The following STT3B variants were observed in gnomAD, a reference collection of about 807,000 sequenced individuals.
STT3B encodes the protein STT3 oligosaccharyltransferase complex catalytic subunit B.
In STT3B, 29 loss-of-function variants were observed where a neutral mutation model predicts 96.8. The ratio of observed to expected loss-of-function variants is 0.30; its 90% CI spans 0.22 to 0.41. STT3B has a LOEUF of 0.41. Among genes scored for constraint, STT3B ranks in the 10% least tolerant of loss-of-function variants. The pLI, the probability that STT3B is intolerant of heterozygous loss-of-function variation, is 1.00. For synonymous variants in STT3B, 367 were observed against 360.0 expected (o/e 1.02, Z -0.22); for missense variants, 640 against 1,022.3 (o/e 0.63, Z 5.10).
intron 1 of STT3B, among the ~76,000 whole-genome samples, chr3:31,537,614 T>C (rs985035715): frequency 3.9e-5 from 6 of 152,178 alleles, no homozygotes; most frequent in African/African-American, 1.4e-4. Context: ...GGACTTTTCC[T>C]TCCCCCTTTA....
intron 3 of STT3B, among the ~76,000 whole-genome samples, chr3:31,585,792 A>T (rs1162153226): frequency 6.6e-6 from 1 of 152,050 alleles, no homozygotes; most frequent in East Asian, 1.9e-4. Context: ...TGAGAATGTC[A>T]TCCATGTTGT....
intron 3 of STT3B, among the ~76,000 whole-genome samples, chr3:31,592,461 A>G (rs770878688): frequency 7.9e-5 from 12 of 152,328 alleles, no homozygotes; most frequent in Non-Finnish European, 1.2e-4. Flanking sequence ...TTGAAGTGGA[A>G]TTGTTGGGTC....
chr3:31,544,490 G>A (rs1439854242), intron 1 of STT3B, among the ~76,000 whole-genome samples: 1 of 152,126 alleles, frequency 6.6e-6, no homozygotes, highest in Admixed American at 6.5e-5. Context: ...TTTAGTTATA[G>A]AATCATTCCA....
At chr3:31,583,505 T>C (rs141798328) in intron 3 of STT3B, among the ~76,000 whole-genome samples, 6,047 of 152,136 alleles carry the variant, frequency 0.04, 160 homozygotes, top group South Asian at 0.078. Context: ...TTGAATTTTA[T>C]AGAGTTAAAG....
rs373681107 is a variant in STT3B at position 31,563,617 on chromosome 3, T to C, written c.315-12779T>C. Among the ~76,000 whole-genome samples the C allele has an allele frequency of 1.2e-3, 187 of 152,302 alleles. 1 individual carries two copies. Among genetic ancestry groups the C allele is most frequent in the Middle Eastern group, 6.8e-3 (2 of 294 alleles). ...GATAATATTTGAACTAAAATCAGAATGACAAGGAATTAGGGCCCTGCAAAG... is the reference window on the plus strand; with the variant it reads ...GATAATATTTGAACTAAAATCAGAACGACAAGGAATTAGGGCCCTGCAAAG... On this transcript the variant is annotated intron_variant, in intron 1 of 15. Transcript: ENST00000295770.
Position 31,548,489 on chromosome 3 carries a change from AAT to A in STT3B, c.314+15179_314+15180del, listed in dbSNP as rs1344278283. Among the ~76,000 whole-genome samples the A allele has an allele frequency of 4.6e-5, 7 of 152,186 alleles. No individual in the cohort carries two copies. In the East Asian group the frequency reaches 9.6e-4, roughly 21 times the overall value. On this transcript the variant is annotated intron_variant, in intron 1 of 15. Coordinates refer to ENST00000295770, the MANE Select transcript of STT3B (RefSeq NM_178862.3). ...TTTGTATTCTCAAAATAAATTTTAA[AAT>A]AGAGTATACCAAACATGCTATTCTC...
At chr3:31,612,000 G>T (rs1311476922) in intron 5 of STT3B, among the ~76,000 whole-genome samples, 1 of 152,118 alleles carries the variant, frequency 6.6e-6, no homozygotes. Context: ...ATATTATCTG[G>T]CAAGCAATCT....
intron 6 of STT3B, 126 bp from the exon 7 acceptor site, chr3:31,616,803 C>G: frequency 1.4e-6 from 1 of 714,512 alleles, no homozygotes. Context: ...GAAATGTTGG[C>G]TAGATGAAAT....
chr3:31,613,099 T>A lies in STT3B; in HGVS notation c.878-2006T>A, dbSNP rs534249942. On this transcript the variant is annotated intron_variant, in intron 5 of 15. Coordinates refer to ENST00000295770, the MANE Select transcript of STT3B (RefSeq NM_178862.3). ...AGAGCTTAGTGAGTGTAGGGTTTTG[T>A]TTTGGGGTAATGAAAATTCTTTAGG... Among the ~76,000 whole-genome samples, 4 of 152,166 alleles carry A rather than the reference T, an allele frequency of 2.6e-5. No homozygotes were observed. In the South Asian group the frequency reaches 8.3e-4, roughly 32 times the overall value.
chr3:31,535,609 G>C (rs1421663652), intron 1 of STT3B, among the ~76,000 whole-genome samples: 3 of 152,198 alleles, frequency 2.0e-5, no homozygotes, highest in African/African-American at 4.8e-5. Context: ...CTGTAATCCA[G>C]CTACTTGGGA....
chr3:31,533,496 C>A, intron 1 of STT3B, 184 bp downstream of exon 1: 1 of 709,042 alleles, frequency 1.4e-6, no homozygotes, highest in South Asian at 4.8e-5. Flanking sequence ...GAAGTTTGCC[C>A]CGTGCAGCCT....
chr3:31,561,031 A>G (rs1697865322), intron 1 of STT3B, among the ~76,000 whole-genome samples: 1 of 151,994 alleles, frequency 6.6e-6, no homozygotes, highest in Non-Finnish European at 1.5e-5. Context: ...CTAGTCTGTC[A>G]TTGAAGGTTT....
chr3:31,631,007 A>G (rs1262353977), intron 14 of STT3B, among the ~76,000 whole-genome samples: 2 of 152,190 alleles, frequency 1.3e-5, no homozygotes, highest in Non-Finnish European at 2.9e-5. Flanking sequence ...TATATTAGCC[A>G]GGATGGTCTC....
chr3:31,633,494 AT>A (rs1348890824), intron 15 of STT3B, among the ~76,000 whole-genome samples: 1 of 152,180 alleles, frequency 6.6e-6, no homozygotes, highest in Non-Finnish European at 1.5e-5. Flanking sequence ...GAGCAAATTT[AT>A]ATTGCATCTT....
Position 31,532,969 on chromosome 3 carries a change from G to A in STT3B, c.-30G>A. ...CGCACCAGGCGGCGGCGGCGGAGGA[G>A]GAGAGCTAGACCCGCCGCCGGGGCA... On this transcript the variant is annotated 5_prime_UTR_variant, in exon 1 of 16. Coordinates refer to ENST00000295770, the MANE Select transcript of STT3B (RefSeq NM_178862.3). The A allele has an allele frequency of 3.2e-6, 5 of 1,568,998 alleles. No homozygotes were observed. Among genetic ancestry groups the A allele is most frequent in the East Asian group, 2.5e-5 (1 of 39,694 alleles).
intron 5 of STT3B, among the ~76,000 whole-genome samples, chr3:31,604,872 G>T (rs1365060471): frequency 6.6e-6 from 1 of 152,108 alleles, no homozygotes; most frequent in Non-Finnish European, 1.5e-5. Context: ...ATCTACCAGG[G>T]TTCAATTCTT....
intron 5 of STT3B, among the ~76,000 whole-genome samples, chr3:31,601,067 A>T (rs989975268): frequency 3.9e-5 from 6 of 152,184 alleles, no homozygotes; most frequent in African/African-American, 1.2e-4. Flanking sequence ...ATTCTATTAT[A>T]ATAATGTTTT....
intron 1 of STT3B, among the ~76,000 whole-genome samples, chr3:31,539,510 TCTGC>T (rs1483697340): frequency 1.3e-5 from 2 of 152,158 alleles, no homozygotes; most frequent in Non-Finnish European, 2.9e-5. Context: ...TACCACACCC[TCTGC>T]CTCCAGGGCC....
chr3:31,564,107 A>G (rs1285371751), intron 1 of STT3B, among the ~76,000 whole-genome samples: 1 of 152,164 alleles, frequency 6.6e-6, no homozygotes, highest in Admixed American at 6.5e-5. Context: ...CAGTTACACT[A>G]TTTTAGTGCC....
Sources: gnomAD v4.1 joint callset for allele counts (sites outside exome capture counted in the v4.1 genomes callset) on GRCh38, gnomAD v4.1.1 for gene constraint, MANE v1.5 for transcripts, NCBI Gene and HGNC (gene_info 2026-07-23, HGNC 2026-07-21) for gene names.